The following POR variants were observed in gnomAD, a reference collection of about 807,000 sequenced individuals.
POR encodes NADPH--cytochrome P450 reductase.
A neutral mutation model predicts 84.0 loss-of-function variants in POR; 56 were observed. The observed-to-expected ratio is 0.67, with a 90% confidence interval of 0.54 to 0.83. POR has a LOEUF of 0.83. POR is among the 40% of genes least tolerant of loss of function. The pLI, the probability that POR is intolerant of heterozygous loss-of-function variation, is 0.00. For missense variants in POR, 938 were observed against 944.3 expected (o/e 0.99, Z 0.09); for synonymous variants, 414 against 400.5 (o/e 1.03, Z -0.40).
chr7:75,982,942 C>G (rs1324476148), intron 8 of POR, among the ~76,000 whole-genome samples: 1 of 152,246 alleles, frequency 6.6e-6, no homozygotes, highest in Non-Finnish European at 1.5e-5. Flanking sequence ...GCCTGTGGCA[C>G]CGTCAGCTTG....
At chr7:75,972,040 G>A (rs540507249) in intron 2 of POR, among the ~76,000 whole-genome samples, 37 of 152,254 alleles carry the variant, frequency 2.4e-4, no homozygotes, top group African/African-American at 6.5e-4. Context: ...AGGTCAGGCC[G>A]TGGGGACCTG....
rs1269538747 is a variant in POR at position 75,968,029 on chromosome 7, G to C, written c.189-4384G>C. ...TGCTGGCCCCTGCTGGTGTCCAGGA[G>C]AGAGCTGTGACCCTCCTTTTTCCTT... is the stretch of plus-strand genomic sequence containing the variant. On this transcript the variant is annotated intron_variant, in intron 2 of 15. Transcript: ENST00000461988. 1.8e-5 allele frequency: 8 copies of C among 454,796 alleles called. No individual in the cohort carries two copies. The East Asian group carries it at 2.1e-4, about 12-fold the overall frequency. 28.2% of individuals were successfully genotyped at this position (454,796 alleles called of 1,614,324 possible). A position where few individuals can be genotyped will look rare whatever the true frequency, so the allele number is the denominator to read the frequency against.
chr7:75,933,791 G>A (rs73363935), intron 1 of POR, among the ~76,000 whole-genome samples: 166 of 152,206 alleles, frequency 1.1e-3, no homozygotes, highest in African/African-American at 3.7e-3. Context: ...ATTCTTGAGC[G>A]CCCTTTACCC....
At chr7:75,980,889 C>G in intron 5 of POR, 159 bp from the exon 6 acceptor site, 1 of 1,084,374 alleles carries the variant, frequency 9.2e-7, no homozygotes, top group Non-Finnish European at 1.3e-6. Context: ...CTTCAGTGGC[C>G]CAGTGTTCCT....
intron 3 of POR, among the ~76,000 whole-genome samples, chr7:75,973,213 C>G (rs189375770): frequency 1.7e-4 from 26 of 152,318 alleles, no homozygotes; most frequent in Admixed American, 7.8e-4. Flanking sequence ...CCCTCTGCCA[C>G]CCACTCATCC....
intron 2 of POR, among the ~76,000 whole-genome samples, chr7:75,956,341 A>G (rs1442598454): frequency 6.6e-6 from 1 of 152,194 alleles, no homozygotes; most frequent in East Asian, 1.9e-4. Flanking sequence ...TATCTCCATC[A>G]TTGACTCACT....
intron 2 of POR, among the ~76,000 whole-genome samples, chr7:75,962,136 A>G (rs569221880): frequency 5.9e-5 from 9 of 152,328 alleles, no homozygotes; most frequent in Admixed American, 2.6e-4. Flanking sequence ...ACATTTATTC[A>G]TAGTTCCCTG....
intron 1 of POR, among the ~76,000 whole-genome samples, chr7:75,934,130 T>A (rs1367869132): frequency 1.6e-5 from 2 of 124,346 alleles, no homozygotes; most frequent in Admixed American, 8.5e-5. Flanking sequence ...AGAGTGTGTG[T>A]GTGTGTGTGT....
intron 2 of POR, among the ~76,000 whole-genome samples, chr7:75,966,102 G>A (rs1788168444): frequency 6.6e-6 from 1 of 152,214 alleles, no homozygotes; most frequent in Admixed American, 6.5e-5. Flanking sequence ...GCACTGCACA[G>A]GGTGGTGAGG....
At chr7:75,960,810 A>T (rs1479683508) in intron 2 of POR, among the ~76,000 whole-genome samples, 6 of 152,158 alleles carry the variant, frequency 3.9e-5, no homozygotes, top group Admixed American at 3.3e-4. Flanking sequence ...TTCTCAGAGA[A>T]TGGCCGTTGA....
chr7:75,933,437 G>C (rs932701075), intron 1 of POR, among the ~76,000 whole-genome samples: 3 of 137,368 alleles, frequency 2.2e-5, no homozygotes, highest in Admixed American at 8.4e-5. Context: ...TGCCCAGGCT[G>C]GAGTGCAATG....
chr7:75,944,733 G>A (rs190160577), intron 1 of POR, among the ~76,000 whole-genome samples: 102 of 152,188 alleles, frequency 6.7e-4, no homozygotes, highest in Non-Finnish European at 1.1e-3. Flanking sequence ...TCTTAGAACC[G>A]AAATATACAA....
chr7:75,933,505 C>T (rs564070082), intron 1 of POR, among the ~76,000 whole-genome samples: 19 of 150,046 alleles, frequency 1.3e-4, no homozygotes, highest in Admixed American at 2.7e-4. Flanking sequence ...TCTCCTGCCT[C>T]AGCCTCTGGA....
chr7:75,955,385 G>C (rs893075468), intron 2 of POR, among the ~76,000 whole-genome samples: 3 of 152,222 alleles, frequency 2.0e-5, no homozygotes, highest in Admixed American at 1.3e-4. Context: ...CTGCATCCCT[G>C]TCTCTCCAAG....
chr7:75,918,219 T>C (rs7458650), intron 1 of POR, among the ~76,000 whole-genome samples: 3 of 152,002 alleles, frequency 2.0e-5, no homozygotes, highest in Non-Finnish European at 2.9e-5. Context: ...GGCAGAAGAA[T>C]CACTTGAACC....
rs1173085596 is a variant in POR at position 75,931,268 on chromosome 7, C to T, written c.-5+16089C>T. Reference sequence around the variant, plus strand: ...TGAAGGGCTTTTATGCATGCCACAACGTGGATGGACCTTGAAGACATTATT... The same window carrying T: ...TGAAGGGCTTTTATGCATGCCACAATGTGGATGGACCTTGAAGACATTATT... On this transcript the variant is annotated intron_variant, in intron 1 of 15. Transcript: ENST00000461988. 4.6e-5 allele frequency among the ~76,000 whole-genome samples: 7 copies of T among 152,264 alleles called. No individual in the cohort carries two copies. In the Middle Eastern group the frequency reaches 0.01, roughly 222 times the overall value.
intron 1 of POR, chr7:75,923,301 C>T: frequency 8.3e-7 from 1 of 1,203,686 alleles, no homozygotes; most frequent in Non-Finnish European, 1.2e-6. Context: ...GAAGCATTTC[C>T]AGGAGATCTC....
Position 75,926,613 on chromosome 7 carries a change from T to C in POR, c.-5+11434T>C, listed in dbSNP as rs1019692404. On this transcript the variant is annotated intron_variant, in intron 1 of 15. Transcript: ENST00000461988. ...GAGTTCGAGACCGGCCTGACCAACA[T>C]GGAGAAACCTGTCTCTACTAAAAAT... Among the ~76,000 whole-genome samples the C allele has an allele frequency of 4.6e-5, 7 of 152,190 alleles. No homozygotes were observed. The South Asian group carries it at 1.2e-3, about 27-fold the overall frequency.
At chr7:75,952,248 C>T (rs1787466763) in intron 1 of POR, among the ~76,000 whole-genome samples, 2 of 147,172 alleles carry the variant, frequency 1.4e-5, no homozygotes, top group African/African-American at 5.0e-5. Context: ...CTGACCCCCC[C>T]ACCTCCCTCC....
Sources: gnomAD v4.1 joint callset for allele counts (sites outside exome capture counted in the v4.1 genomes callset) on GRCh38, gnomAD v4.1.1 for gene constraint, MANE v1.5 for transcripts, NCBI Gene and HGNC (gene_info 2026-07-23, HGNC 2026-07-21) for gene names.